Variants in A2ML1 observed in about 807,000 individuals in gnomAD.
A2ML1 encodes alpha-2-macroglobulin like 1, also known as alpha-2-macroglobulin-like protein 1.
Under a neutral mutation model 181.9 loss-of-function variants are expected in A2ML1, and 161 were observed. That is an observed-to-expected ratio of 0.89 (90% CI 0.78 to 1.01). The LOEUF is 1.01. A2ML1 is among the 50% of genes least tolerant of loss of function. The probability of loss-of-function intolerance (pLI) is 0.00; values close to 1 mark genes in which losing one functional copy is unlikely to be tolerated. For synonymous variants in A2ML1, 663 were observed against 666.8 expected (o/e 0.99, Z 0.09); for missense variants, 1,670 against 1,768.1 (o/e 0.94, Z 1.00).
At chr12:8,823,620 C>G (rs1275218671) in intron 2 of A2ML1, 100 bp from the exon 3 acceptor site, 1 of 1,348,742 alleles carries the variant, frequency 7.4e-7, no homozygotes, top group African/African-American at 1.5e-5. Context: ...CTACCCCCAT[C>G]TAACTCAGCT....
intron 17 of A2ML1, 150 bp from the exon 18 acceptor site, chr12:8,850,010 G>C (rs2136868335): frequency 1.4e-6 from 1 of 705,018 alleles, no homozygotes; most frequent in Middle Eastern, 3.3e-4. Context: ...TTTGTGACTA[G>C]TTAGTTCCTC....
Position 8,823,786 on chromosome 12 carries a change from A to C in A2ML1, c.313A>C (p.Ile105Leu). The C allele has an allele frequency of 1.2e-6, 2 of 1,614,090 alleles. No individual in the cohort carries two copies. Among genetic ancestry groups the C allele is most frequent in the Non-Finnish European group, 1.7e-6 (2 of 1,179,986 alleles). The change falls in exon 3 of 36, where the codon ATC becomes CTC. Residue 105 changes from isoleucine (I) to leucine (L), a missense_variant. Coordinates refer to ENST00000299698, the MANE Select transcript of A2ML1 (RefSeq NM_144670.6). ...TIRVSGVGNN[I>L]SFEEKKKVLI... ...CCGGGTGTCGGGAGTTGGAAATAAC[A>C]TCAGCTTTGAGGAGAAGAAAAAGGT...
At position 8,852,359 on chromosome 12, in the gene A2ML1, G is replaced by T; in HGVS notation, c.2590+23G>T. On this transcript the variant is annotated intron_variant, in intron 20 of 35. Transcript: ENST00000299698. This position sits in a 1 kb window ranked among gnomAD's most constrained non-coding sequence, Gnocchi z 4.2. Reference sequence around the variant, plus strand: ...TGGGTAAGAGAGGGAAGTGGTAGACGGGCGAGGAAAGCCAGCAGCAGAAGA... The same window carrying T: ...TGGGTAAGAGAGGGAAGTGGTAGACTGGCGAGGAAAGCCAGCAGCAGAAGA... 1.2e-6 allele frequency: 2 copies of T among 1,613,458 alleles called. No individual in the cohort carries two copies. The highest frequency in any genetic ancestry group is 1.1e-5 in the South Asian group (1 of 91,010).
intron 7 of A2ML1, among the ~76,000 whole-genome samples, chr12:8,882,993 C>T (rs1057455859): frequency 6.6e-6 from 1 of 152,084 alleles, no homozygotes; most frequent in Admixed American, 6.6e-5. Flanking sequence ...ACATTTGGTT[C>T]CCAATTTCCA....
intron 26 of A2ML1, 153 bp downstream of exon 26, chr12:8,858,255 G>C (rs779620376): frequency 2.2e-6 from 2 of 891,528 alleles, no homozygotes; most frequent in Non-Finnish European, 3.3e-6. Flanking sequence ...TGCTTAGCTG[G>C]TCTGGGCCTC....
At position 8,836,435 on chromosome 12, in the gene A2ML1, A is replaced by T. The variant is rs1461215484; in HGVS notation, c.728+96A>T. On this transcript the variant is annotated intron_variant, in intron 7 of 35. Transcript: ENST00000299698. ...GGATGTGGGATTATGGGTGGGCCAA[A>T]ACTTGGGGCATTTTATGTAATTCAG... The T allele has an allele frequency of 2.2e-5, 22 of 992,602 alleles. 1 individual carries two copies. The African/African-American group carries it at 2.8e-4, about 12-fold the overall frequency. 61.5% of individuals were successfully genotyped at this position (992,602 alleles called of 1,614,324 possible). A position where few individuals can be genotyped will look rare whatever the true frequency, so the allele number is the denominator to read the frequency against.
At chr12:8,846,731 A>G (rs1943698340) in intron 14 of A2ML1, among the ~76,000 whole-genome samples, 1 of 151,618 alleles carries the variant, frequency 6.6e-6, no homozygotes, top group Admixed American at 6.6e-5. Flanking sequence ...GAATTGCATG[A>G]ACCCAGGAGA....
intron 26 of A2ML1, among the ~76,000 whole-genome samples, chr12:8,859,622 G>C (rs1199870456): frequency 6.6e-6 from 1 of 151,958 alleles, no homozygotes; most frequent in Non-Finnish European, 1.5e-5. Flanking sequence ...GTACAGGCTG[G>C]AGTGTAGTTG....
intron 7 of A2ML1, among the ~76,000 whole-genome samples, chr12:8,836,605 T>A (rs1943286255): frequency 6.7e-6 from 1 of 149,478 alleles, no homozygotes; most frequent in Non-Finnish European, 1.5e-5. Flanking sequence ...TGCCTCAACC[T>A]CTAGAGTAGC....
intron 15 of A2ML1, 150 bp from the exon 16 acceptor site, chr12:8,848,570 G>T (rs1336331187): frequency 8.4e-6 from 5 of 597,344 alleles, no homozygotes; most frequent in African/African-American, 1.9e-5. Context: ...AGTGAGAAAG[G>T]TAATTATGAC....
chr12:8,879,411 A>C (rs1944847748), downstream of A2ML1, among the ~76,000 whole-genome samples: 1 of 151,908 alleles, frequency 6.6e-6, no homozygotes, highest in East Asian at 1.9e-4. Flanking sequence ...GAATTGCTTG[A>C]ACCCGGGAGG....
chr12:8,855,207 T>C (rs1944022676), intron 22 of A2ML1, among the ~76,000 whole-genome samples: 1 of 152,128 alleles, frequency 6.6e-6, no homozygotes, highest in African/African-American at 2.4e-5. Context: ...GAGATTTTCA[T>C]AGGCAAAAGG....
downstream of A2ML1, among the ~76,000 whole-genome samples, chr12:8,880,172 TG>T: frequency 6.6e-6 from 1 of 151,576 alleles, no homozygotes; most frequent in East Asian, 1.9e-4. Flanking sequence ...GAGACCAGCC[TG>T]GCCAATATGG....
chr12:8,856,512 G>A (rs912948916), intron 23 of A2ML1, among the ~76,000 whole-genome samples: 1 of 152,204 alleles, frequency 6.6e-6, no homozygotes, highest in Non-Finnish European at 1.5e-5. Flanking sequence ...GGCTTGGGAA[G>A]TATATGAAGG....
intron 33 of A2ML1, among the ~76,000 whole-genome samples, chr12:8,870,358 C>T (rs1944577614): frequency 1.3e-5 from 2 of 152,148 alleles, no homozygotes. Context: ...AGCTCTGCCT[C>T]CCGGGTTCAT....
At position 8,867,993 on chromosome 12, in the gene A2ML1, C is replaced by A. The variant is rs199584108; in HGVS notation, c.3869C>A (p.Thr1290Asn). The A allele has an allele frequency of 6.4e-5, 103 of 1,614,236 alleles. No individual in the cohort carries two copies. The African/African-American group carries it at 1.3e-3, about 20-fold the overall frequency. The change falls in exon 30 of 36, where the codon ACC becomes AAC. Residue 1290 changes from threonine to asparagine, a missense_variant. Thr to Asn is a moderately conservative substitution (Grantham distance 65). Transcript: ENST00000299698. ...SVNRLVFQQD[T>N]LPNVPGMYTL... is the part of the protein sequence containing the mutation. ...AACAGATTGGTATTTCAGCAGGATACCCTGCCCAATGTCCCTGGAATGTAC... is the reference window on the plus strand; with the variant it reads ...AACAGATTGGTATTTCAGCAGGATAACCTGCCCAATGTCCCTGGAATGTAC...
intron 3 of A2ML1, among the ~76,000 whole-genome samples, chr12:8,827,249 A>G (rs1429363555): frequency 6.6e-6 from 1 of 152,178 alleles, no homozygotes; most frequent in Non-Finnish European, 1.5e-5. Flanking sequence ...CTGAGGCAGG[A>G]GAATCACTTG....
intron 15 of A2ML1, among the ~76,000 whole-genome samples, chr12:8,848,378 G>A (rs1943772791): frequency 1.3e-5 from 2 of 151,980 alleles, no homozygotes; most frequent in South Asian, 4.1e-4. Context: ...CTACTCAGGA[G>A]GCTGAGGCAG....
chr12:8,825,853 T>C (rs1433181356), intron 3 of A2ML1, among the ~76,000 whole-genome samples: 1 of 152,236 alleles, frequency 6.6e-6, no homozygotes, highest in Non-Finnish European at 1.5e-5. Context: ...TTGAAGAGCC[T>C]GTGCTTTCTC....
Sources: gnomAD v4.1 joint callset for allele counts (sites outside exome capture counted in the v4.1 genomes callset) on GRCh38, gnomAD v4.1.1 for gene constraint, Gnocchi (gnomAD v3.1) non-coding constraint, MANE v1.5 for transcripts, NCBI Gene and HGNC (gene_info 2026-07-23, HGNC 2026-07-21) for gene names.